The following EDAR variants were observed in gnomAD, a reference collection of about 807,000 sequenced individuals.
EDAR encodes ectodysplasin A receptor, also known as tumor necrosis factor receptor superfamily member EDAR.
A neutral mutation model predicts 51.3 loss-of-function variants in EDAR; 38 were observed. The observed-to-expected ratio is 0.74, with a 90% CI of 0.57 to 0.97. The LOEUF is 0.97. Among genes scored for constraint, EDAR ranks in the 50% least tolerant of loss-of-function variants. The probability of loss-of-function intolerance (pLI) is 0.00; values close to 1 mark genes in which losing one functional copy is unlikely to be tolerated. For synonymous variants in EDAR, 227 were observed against 242.1 expected (o/e 0.94, Z 0.58); for missense variants, 528 against 595.0 (o/e 0.89, Z 1.17).
intron 1 of EDAR, among the ~76,000 whole-genome samples, chr2:108,965,324 A>G (rs960218825): frequency 3.3e-5 from 5 of 152,080 alleles, no homozygotes; most frequent in Admixed American, 3.3e-4. Context: ...AAAAATACAA[A>G]AACAAAATTA....
chr2:108,946,627 T>A (rs1302544228), intron 1 of EDAR, among the ~76,000 whole-genome samples: 1 of 152,160 alleles, frequency 6.6e-6, no homozygotes, highest in Non-Finnish European at 1.5e-5. Context: ...CTTACAGTCA[T>A]AGCAGAAGGC....
intron 5 of EDAR, among the ~76,000 whole-genome samples, chr2:108,917,830 G>C (rs1574377335): frequency 6.6e-6 from 1 of 152,126 alleles, no homozygotes. Flanking sequence ...GCAGCAATGG[G>C]TGTGGTTTGA....
chr2:108,929,018 G>A (rs191949924), intron 4 of EDAR, among the ~76,000 whole-genome samples, 180 bp downstream of exon 4: 1 of 152,216 alleles, frequency 6.6e-6, no homozygotes, highest in African/African-American at 2.4e-5. Flanking sequence ...CCTGTCCACC[G>A]GAGGGGCCAG....
At position 108,935,034 on chromosome 2, in the gene EDAR, T is replaced by TTG. The variant is rs538278421; in HGVS notation, c.-18-4003_-18-4002insCA. Among the ~76,000 whole-genome samples the TTG allele has an allele frequency of 1.7e-3, 252 of 152,356 alleles. 1 individual carries two copies. Among genetic ancestry groups the TTG allele is most frequent in the African/African-American group, 5.9e-3 (244 of 41,576 alleles). On this transcript the variant is annotated intron_variant, in intron 1 of 11. Transcript: ENST00000258443. Reference sequence around the variant, plus strand: ...CACTCTTTTGGAGTCAAGCGTCACCTGTTGGTTACCTAGTGCCTGTAGGCA... The same window carrying TTG: ...CACTCTTTTGGAGTCAAGCGTCACCTTGGTTGGTTACCTAGTGCCTGTAGGCA...
At chr2:108,919,239 G>A (rs982523374) in intron 5 of EDAR, among the ~76,000 whole-genome samples, 2 of 152,210 alleles carry the variant, frequency 1.3e-5, no homozygotes, top group African/African-American at 4.8e-5. Flanking sequence ...ACGCAGAGTA[G>A]CAGAGATTTC....
intron 1 of EDAR, among the ~76,000 whole-genome samples, chr2:108,962,768 G>T (rs1209243392): frequency 6.7e-6 from 1 of 149,686 alleles, no homozygotes; most frequent in African/African-American, 2.5e-5. Flanking sequence ...TGACACCATC[G>T]CACACACACC....
chr2:108,940,503 G>A (rs1323681945), intron 1 of EDAR, among the ~76,000 whole-genome samples: 4 of 152,378 alleles, frequency 2.6e-5, no homozygotes, highest in East Asian at 3.9e-4. Flanking sequence ...ATCTCAGTGC[G>A]TGGCCCATGT....
chr2:108,931,525 A>C (rs1000026494), intron 1 of EDAR, among the ~76,000 whole-genome samples: 1 of 152,202 alleles, frequency 6.6e-6, no homozygotes, highest in Non-Finnish European at 1.5e-5. Flanking sequence ...TTGTCCATCA[A>C]AGTGGACAAG....
chr2:108,956,529 A>G (rs1460743916), intron 1 of EDAR, among the ~76,000 whole-genome samples: 1 of 152,190 alleles, frequency 6.6e-6, no homozygotes, highest in African/African-American at 2.4e-5. Context: ...AAGAAACTAC[A>G]CATGGCATTG....
At chr2:108,978,449 T>C (rs1698366087) in intron 1 of EDAR, among the ~76,000 whole-genome samples, 1 of 152,184 alleles carries the variant, frequency 6.6e-6, no homozygotes, top group Non-Finnish European at 1.5e-5. Context: ...GGGCTTGTCA[T>C]ATTTGTTAGA....
intron 5 of EDAR, among the ~76,000 whole-genome samples, chr2:108,914,402 G>A (rs964585433): frequency 6.6e-6 from 1 of 152,192 alleles, no homozygotes; most frequent in Admixed American, 6.5e-5. Flanking sequence ...CCTCAGACAT[G>A]TTTTTACATG....
At chr2:108,937,987 C>T (rs1697509747) in intron 1 of EDAR, among the ~76,000 whole-genome samples, 1 of 152,220 alleles carries the variant, frequency 6.6e-6, no homozygotes, top group Non-Finnish European at 1.5e-5. Context: ...AACAGATATT[C>T]TTGCACACGT....
chr2:108,925,952 G>A (rs1018945761), intron 4 of EDAR, among the ~76,000 whole-genome samples: 1 of 152,178 alleles, frequency 6.6e-6, no homozygotes, highest in East Asian at 1.9e-4. Flanking sequence ...GCTCCAAGAG[G>A]CTGTTATGAA....
intron 1 of EDAR, among the ~76,000 whole-genome samples, chr2:108,957,818 C>T (rs1237269248): frequency 2.6e-5 from 4 of 152,224 alleles, no homozygotes; most frequent in Non-Finnish European, 1.5e-5. Context: ...ATTGATGCAG[C>T]TGTTGCCTAG....
chr2:108,953,613 AC>A (rs1697865878), intron 1 of EDAR, among the ~76,000 whole-genome samples: 1 of 152,092 alleles, frequency 6.6e-6, no homozygotes, highest in African/African-American at 2.4e-5. Flanking sequence ...TTTTTGGTAG[AC>A]CAGGACACAA....
chr2:108,979,805 T>C (rs1408060738), intron 1 of EDAR, among the ~76,000 whole-genome samples: 1 of 152,120 alleles, frequency 6.6e-6, no homozygotes, highest in African/African-American at 2.4e-5. Context: ...GTTTCTTCAC[T>C]TTGGCCATCT....
intron 11 of EDAR, 69 bp from the exon 12 acceptor site, chr2:108,897,298 T>C: frequency 7.2e-7 from 1 of 1,391,764 alleles, no homozygotes; most frequent in South Asian, 1.3e-5. Flanking sequence ...ACTGAAAAAT[T>C]ATTTAAATGA....
intron 1 of EDAR, among the ~76,000 whole-genome samples, chr2:108,960,006 T>C (rs1234784503): frequency 6.6e-6 from 1 of 152,136 alleles, no homozygotes; most frequent in Non-Finnish European, 1.5e-5. Flanking sequence ...ACTCAGTCAA[T>C]GTCATGATGC....
At chr2:108,921,225 G>A (rs1182505161) in intron 5 of EDAR, among the ~76,000 whole-genome samples, 9 of 152,128 alleles carry the variant, frequency 5.9e-5, no homozygotes, top group African/African-American at 2.2e-4. Flanking sequence ...GGGCAGAGCT[G>A]TGGGCACTCC....
Sources: allele counts gnomAD v4.1 joint callset (sites outside exome capture counted in the v4.1 genomes callset), GRCh38; gene constraint gnomAD v4.1.1; transcripts MANE v1.5; gene names NCBI Gene and HGNC (gene_info 2026-07-23, HGNC 2026-07-21).